The following TMEM117 variants were observed in gnomAD, a reference collection of about 807,000 sequenced individuals.
TMEM117 encodes transmembrane protein 117.
A neutral mutation model predicts 52.4 loss-of-function variants in TMEM117; 27 were observed. That is an observed-to-expected ratio of 0.51 (90% confidence interval 0.38 to 0.71). TMEM117 has a LOEUF of 0.71. Among genes scored for constraint, TMEM117 ranks in the 30% least tolerant of loss-of-function variants. TMEM117 has a pLI of 0.00. For synonymous variants in TMEM117, 215 were observed against 206.3 expected, an observed-to-expected ratio of 1.04 and a Z score of -0.36; for missense variants, 556 against 630.5, an observed-to-expected ratio of 0.88 and a Z score of 1.26.
chr12:43,915,750 AAAAG>A (rs140303831), intron 2 of TMEM117, among the ~76,000 whole-genome samples: 5,314 of 152,212 alleles, frequency 0.035, 148 homozygotes, highest in East Asian at 0.11. Context: ...TGAAGAAAGA[AAAAG>A]AAAGAAAGAA....
At chr12:43,928,561 A>G (rs1396368832) in intron 2 of TMEM117, among the ~76,000 whole-genome samples, 2 of 152,050 alleles carry the variant, frequency 1.3e-5, no homozygotes, top group Non-Finnish European at 2.9e-5. Flanking sequence ...GCATTTAAAT[A>G]TATCACTTTA....
At chr12:43,818,684 C>T in the TMEM117 span, among the ~76,000 whole-genome samples, 8 of 152,122 alleles carry the variant, frequency 5.3e-5, no homozygotes, top group African/African-American at 4.8e-5. Flanking sequence ...ACCTCGTGAT[C>T]CGACCGCCTT....
At chr12:43,812,802 C>T in the TMEM117 span, among the ~76,000 whole-genome samples, 2 of 149,526 alleles carry the variant, frequency 1.3e-5, no homozygotes, top group South Asian at 2.1e-4. Context: ...GGAAGGAGTT[C>T]GAGACCAGCC....
intron 3 of TMEM117, among the ~76,000 whole-genome samples, chr12:44,115,748 C>G (rs573422723): frequency 1.3e-5 from 2 of 152,226 alleles, no homozygotes; most frequent in Admixed American, 6.5e-5. Context: ...GATTAAGTAG[C>G]ATTTATGGAA....
intron 3 of TMEM117, among the ~76,000 whole-genome samples, chr12:44,087,060 A>G (rs1947583348): frequency 6.7e-6 from 1 of 148,896 alleles, no homozygotes; most frequent in South Asian, 2.1e-4. Context: ...AATTTGTAGA[A>G]CCAAGCCAAA....
the TMEM117 span, among the ~76,000 whole-genome samples, chr12:44,398,736 G>T: frequency 1.2e-4 from 18 of 152,270 alleles, no homozygotes; most frequent in Non-Finnish European, 2.6e-4. Context: ...CAGACCTAAG[G>T]ATGCTCCTGC....
intron 2 of TMEM117, among the ~76,000 whole-genome samples, chr12:43,866,124 G>A (rs1943593445): frequency 2.0e-5 from 3 of 151,732 alleles, no homozygotes. Flanking sequence ...TCAAACTGCT[G>A]AAATAAAAGA....
intron 3 of TMEM117, among the ~76,000 whole-genome samples, chr12:44,050,412 C>A (rs1168415263): frequency 1.3e-5 from 2 of 152,004 alleles, no homozygotes; most frequent in East Asian, 1.9e-4. Flanking sequence ...CCTGACCTCA[C>A]GTGATCCGCC....
intron 6 of TMEM117, among the ~76,000 whole-genome samples, chr12:44,307,805 A>G (rs181189981): frequency 4.0e-4 from 61 of 152,358 alleles, no homozygotes; most frequent in Admixed American, 2.4e-3. Context: ...TGAAGTGCCA[A>G]GGAGGATGTC....
At chr12:43,951,882 G>A (rs1413345474) in intron 3 of TMEM117, among the ~76,000 whole-genome samples, 1 of 152,168 alleles carries the variant, frequency 6.6e-6, no homozygotes, top group East Asian at 1.9e-4. Context: ...ACCTGATGCA[G>A]GAGAGCTCTG....
intron 5 of TMEM117, among the ~76,000 whole-genome samples, chr12:44,223,223 C>G (rs1266754231): frequency 6.6e-6 from 1 of 151,980 alleles, no homozygotes. Context: ...GCAAAATGCC[C>G]CAGTGTGTGA....
rs542842673 is a variant in TMEM117, at chr12:43,846,537, G to A, written c.277+1609G>A. Among the ~76,000 whole-genome samples, 9 of 152,304 alleles carry A rather than the reference G, an allele frequency of 5.9e-5. No homozygotes were observed. In the South Asian group the frequency reaches 1.9e-3, roughly 32 times the overall value. On this transcript the variant is annotated intron_variant, in intron 2 of 7. Transcript: ENST00000266534. ...AGAGGTAGGTGGTATTTATTCAATA[G>A]ATGTTCATCGCTTATTACATGCCAG... is the stretch of plus-strand genomic sequence containing the variant.
chr12:44,017,130 T>C (rs1191973170), intron 3 of TMEM117, among the ~76,000 whole-genome samples: 1 of 152,094 alleles, frequency 6.6e-6, no homozygotes, highest in African/African-American at 2.4e-5. Context: ...AAATAATGTT[T>C]AGTAAAGATG....
In TMEM117 at chr12:44,067,548, T is replaced by C. The variant is rs562478923; in HGVS notation, c.411-75977T>C. Among the ~76,000 whole-genome samples the C allele has an allele frequency of 3.0e-3, 462 of 152,322 alleles. 3 individuals carry two copies. Among genetic ancestry groups the C allele is most frequent in the African/African-American group, 0.011 (449 of 41,582 alleles). ...CAGAGCTCTTGGGTGACCAAGATTG[T>C]CATTGTCAATGACATTTCATAATAT... On this transcript the variant is annotated intron_variant, in intron 3 of 7. Coordinates refer to ENST00000266534, the MANE Select transcript of TMEM117 (RefSeq NM_032256.3).
At chr12:44,010,885 T>C (rs1272437454) in intron 3 of TMEM117, among the ~76,000 whole-genome samples, 3 of 152,222 alleles carry the variant, frequency 2.0e-5, no homozygotes, top group Non-Finnish European at 4.4e-5. Flanking sequence ...TCAGATACAT[T>C]TTTGCTCTTG....
At chr12:44,359,609 A>C (rs1951695541) in intron 6 of TMEM117, among the ~76,000 whole-genome samples, 2 of 152,082 alleles carry the variant, frequency 1.3e-5, no homozygotes, top group Admixed American at 1.3e-4. Context: ...CACCATAATA[A>C]ATAACAATAG....
At chr12:43,838,216 A>G (rs1212449303) in intron 1 of TMEM117, among the ~76,000 whole-genome samples, 1 of 152,072 alleles carries the variant, frequency 6.6e-6, no homozygotes, top group Non-Finnish European at 1.5e-5. Flanking sequence ...ATTTAAGATA[A>G]TGTACTCAGA....
rs78288871 is a variant in TMEM117 at position 44,207,418 on chromosome 12, T to C, written c.511-3872T>C. The stretch of plus-strand genomic sequence containing the variant: ...CAAAAGTAGAGAATCATACAGAATG[T>C]CAATTAATACTCAGTTTTGTCACAC... On this transcript the variant is annotated intron_variant, in intron 4 of 7. Coordinates refer to ENST00000266534, the MANE Select transcript of TMEM117 (RefSeq NM_032256.3). Among the ~76,000 whole-genome samples the C allele has an allele frequency of 1.4e-3, 215 of 152,322 alleles. 3 individuals are homozygous for C. The East Asian group carries it at 0.033, about 23-fold the overall frequency.
chr12:43,806,300 C>A, the TMEM117 span: 7 of 1,449,142 alleles, frequency 4.8e-6, no homozygotes. Context: ...CGGCCCCGGC[C>A]GGCGGCCCCA....
Sources: allele counts gnomAD v4.1 joint callset (sites outside exome capture counted in the v4.1 genomes callset), GRCh38; gene constraint gnomAD v4.1.1; transcripts MANE v1.5; gene names NCBI Gene and HGNC (gene_info 2026-07-23, HGNC 2026-07-21).